The following KCNG1 variants were observed in gnomAD, a reference collection of about 807,000 sequenced individuals.
KCNG1 encodes the protein voltage-gated potassium channel regulatory subunit KCNG1.
KCNG1 carries 17 observed loss-of-function variants against 32.4 expected under a neutral mutation model. The ratio of observed to expected loss-of-function variants is 0.52; its 90% CI spans 0.36 to 0.79. KCNG1 has a LOEUF of 0.79. Among genes scored for constraint, KCNG1 ranks in the 30% least tolerant of loss-of-function variants. KCNG1 has a pLI of 0.00. For missense variants in KCNG1, 441 were observed against 735.2 expected (o/e 0.60, Z 4.63); for synonymous variants, 358 against 339.9 (o/e 1.05, Z -0.59).
Position 51,004,178 on chromosome 20 carries a change from A to G in KCNG1, c.1403T>C (p.Leu468Pro). Residue 468 changes from leucine (L) to proline (P), a missense_variant, in exon 3 of 3, where the codon CTG (leucine) becomes CCG (proline). This residue lies in a region of KCNG1 where 53 missense variants were observed against 79.1 expected (regional missense o/e 0.67). Transcript: ENST00000371571. This position sits in a 1 kb window ranked among gnomAD's most constrained non-coding sequence, Gnocchi z 4.3. ...CCTCTCTTGCTCCTGCTTGAGCTCC[A>G]GGTAGGAGCGGGAGAAGGTGTGGAA... ...SIFHTFSRSY[L>P]ELKQEQERVM... 1.9e-6 allele frequency: 3 copies of G among 1,614,126 alleles called. No homozygotes were observed. The highest frequency in any genetic ancestry group is 2.5e-6 in the Non-Finnish European group (3 of 1,179,998).
Position 51,004,056 on chromosome 20 carries a change from T to C in KCNG1, c.1525A>G (p.Thr509Ala), listed in dbSNP as rs1450444074. 6.2e-7 allele frequency: 1 copy of C among 1,613,996 alleles called. No individual in the cohort carries two copies. Among genetic ancestry groups the C allele is most frequent in the Non-Finnish European group, 8.5e-7 (1 of 1,179,974 alleles). The stretch of plus-strand genomic sequence containing the variant: ...CTCCGCGCTCAGTTATTGTCTCTGG[T>C]GTCCGAGGAGGCACTTCCGAACAAG... ...DILFGSASSD[T>A]RDNN The change falls in exon 3 of 3, where the codon ACC (threonine) becomes GCC (alanine). Residue 509 changes from threonine (T) to alanine (A), a missense_variant. Physicochemically the swap from Thr to Ala is moderately conservative, Grantham distance 58 (BLOSUM62 0). This residue lies in a region of KCNG1 where 53 missense variants were observed against 79.1 expected (regional missense o/e 0.67). Transcript: ENST00000371571. The surrounding 1 kb of genome is among the most constrained non-coding windows in gnomAD (Gnocchi z 4.3).
At chr20:51,018,946 G>A (rs796472608) in intron 1 of KCNG1, among the ~76,000 whole-genome samples, 2 of 152,164 alleles carry the variant, frequency 1.3e-5, no homozygotes, top group African/African-American at 2.4e-5. Flanking sequence ...TCATATGGAC[G>A]AGATTTTGGA....
At chr20:51,014,801 T>C (rs567141491) in intron 1 of KCNG1, among the ~76,000 whole-genome samples, 3 of 152,028 alleles carry the variant, frequency 2.0e-5, no homozygotes, top group African/African-American at 4.8e-5. Flanking sequence ...TGGGGCAACA[T>C]TGGCTGGAGG....
Position 51,004,594 on chromosome 20 carries a change from G to T in KCNG1, c.987C>A (p.Gly329=). The part of the protein sequence containing the change: ...DGAAAGRRKP[G]AGNSYLDKVG... Reference sequence around the variant, plus strand: ...CCTTGTCCAGGTAGCTGTTGCCCGCGCCGGGCTTGCGACGGCCTGCGGCGG... The same window carrying T: ...CCTTGTCCAGGTAGCTGTTGCCCGCTCCGGGCTTGCGACGGCCTGCGGCGG... Residue 329 remains glycine, a synonymous_variant, in exon 3 of 3, where the codon GGC becomes GGA. Coordinates refer to ENST00000371571, the MANE Select transcript of KCNG1 (RefSeq NM_002237.4). This position sits in a 1 kb window ranked among gnomAD's most constrained non-coding sequence, Gnocchi z 4.3. 6.3e-7 allele frequency: 1 copy of T among 1,579,002 alleles called. No homozygotes were observed. The highest frequency in any genetic ancestry group is 8.6e-7 in the Non-Finnish European group (1 of 1,162,022).
chr20:51,003,688 T>TC lies in KCNG1; in HGVS notation c.*350_*351insG, dbSNP rs1987702219. ...TCTGCTGTTTGTATTTTTTTTTTTTTTCTCCAGGCAGACCCATAAAGCAAG... is the reference window on the plus strand; with the variant it reads ...TCTGCTGTTTGTATTTTTTTTTTTTTCTCTCCAGGCAGACCCATAAAGCAAG... On this transcript the variant is annotated 3_prime_UTR_variant, in exon 3 of 3. Transcript: ENST00000371571. 2.9e-5 allele frequency: 5 copies of TC among 174,712 alleles called. No homozygotes were observed. Among genetic ancestry groups the TC allele is most frequent in the Non-Finnish European group, 3.6e-5 (3 of 83,118 alleles). The allele number at this position is 174,712 out of a possible 1,614,324, so 10.8% of individuals were successfully genotyped here.
chr20:51,014,408 T>C (rs1988202587), intron 1 of KCNG1, among the ~76,000 whole-genome samples: 1 of 152,252 alleles, frequency 6.6e-6, no homozygotes, highest in African/African-American at 2.4e-5. Context: ...TTTATTTCTC[T>C]GTGGTGTTAG....
At chr20:51,016,791 C>T (rs1040574421) in intron 1 of KCNG1, among the ~76,000 whole-genome samples, 1 of 152,166 alleles carries the variant, frequency 6.6e-6, no homozygotes, top group African/African-American at 2.4e-5. Flanking sequence ...GAGTCCGCTG[C>T]CCCCCTCCCT....
chr20:51,009,342 G>T (rs1046079412), intron 2 of KCNG1, among the ~76,000 whole-genome samples: 1 of 152,214 alleles, frequency 6.6e-6, no homozygotes, highest in African/African-American at 2.4e-5. Flanking sequence ...GGAGGGCAGT[G>T]GTGGGCACAG....
intron 1 of KCNG1, 67 bp from the exon 2 acceptor site, chr20:51,010,431 T>C (rs1988036310): frequency 5.4e-6 from 6 of 1,119,104 alleles, no homozygotes; most frequent in Non-Finnish European, 1.2e-6. Context: ...AGAATGCAGA[T>C]TCCGCAGATA....
At chr20:51,013,396 A>G (rs1420362039) in intron 1 of KCNG1, among the ~76,000 whole-genome samples, 1 of 152,190 alleles carries the variant, frequency 6.6e-6, no homozygotes, top group Non-Finnish European at 1.5e-5. Context: ...TCAATTCCAA[A>G]CGGAAACCCA....
Sources: allele counts gnomAD v4.1 joint callset (sites outside exome capture counted in the v4.1 genomes callset), GRCh38; gene constraint gnomAD v4.1.1; regional missense constraint gnomAD v4.1.1; non-coding constraint Gnocchi (gnomAD v3.1); transcripts MANE v1.5; gene names NCBI Gene and HGNC (gene_info 2026-07-23, HGNC 2026-07-21).